The following SORL1 variants were observed in gnomAD, a reference collection of about 807,000 sequenced individuals.
SORL1 encodes sortilin-related receptor.
A neutral mutation model predicts 273.7 loss-of-function variants in SORL1; 127 were observed. The ratio of observed to expected loss-of-function variants is 0.46; its 90% CI spans 0.40 to 0.54. The LOEUF (loss-of-function observed/expected upper bound fraction) is 0.54. Among genes scored for constraint, SORL1 ranks in the 20% least tolerant of loss-of-function variants. SORL1 has a pLI of 0.00. For missense variants in SORL1, 2,494 were observed against 2,846.1 expected (o/e 0.88, Z 2.81); for synonymous variants, 1,031 against 1,067.4 (o/e 0.97, Z 0.66).
chr11:121,562,967 A>G lies in SORL1; in HGVS notation c.3049+3310A>G, dbSNP rs78142231. On this transcript the variant is annotated intron_variant, in intron 21 of 47. Transcript: ENST00000260197. ...CTATATTAACCAAGTGTTAAATAAT[A>G]ATAATTGATAGTAACTACATGTATT... Among the ~76,000 whole-genome samples the G allele has an allele frequency of 3.0e-4, 46 of 152,342 alleles. 1 individual carries two copies. The East Asian group carries it at 7.1e-3, about 24-fold the overall frequency.
At position 121,570,857 on chromosome 11, in the gene SORL1, G is replaced by A. The variant is rs1027014516; in HGVS notation, c.3337+587G>A. On this transcript the variant is annotated intron_variant, in intron 23 of 47. Coordinates refer to ENST00000260197, the MANE Select transcript of SORL1 (RefSeq NM_003105.6). ...CTGACTTCTAAAGTATAAGACTGTG[G>A]TTAGCAGAAGTTAAAACCAAACAAC... 3.3e-5 allele frequency among the ~76,000 whole-genome samples: 5 copies of A among 152,172 alleles called. No homozygotes were observed. In the East Asian group the frequency reaches 9.6e-4, roughly 29 times the overall value.
intron 24 of SORL1, among the ~76,000 whole-genome samples, chr11:121,575,045 G>A (rs1167672746): frequency 1.3e-5 from 2 of 152,154 alleles, no homozygotes; most frequent in African/African-American, 4.8e-5. Flanking sequence ...TTTCTGAATG[G>A]ACATTTTTAT....
At chr11:121,597,934 G>A (rs1189750962) in intron 32 of SORL1, among the ~76,000 whole-genome samples, 2 of 152,152 alleles carry the variant, frequency 1.3e-5, no homozygotes, top group East Asian at 1.9e-4. Context: ...CCTGGACAAC[G>A]GTGGGACAAG....
chr11:121,585,748 C>T (rs1290946169), intron 26 of SORL1, among the ~76,000 whole-genome samples: 7 of 151,966 alleles, frequency 4.6e-5, no homozygotes, highest in East Asian at 1.9e-4. Flanking sequence ...TTTAACTTTG[C>T]GTATTGTTTT....
At chr11:121,509,113 GA>G (rs1205578586) in intron 6 of SORL1, among the ~76,000 whole-genome samples, 1 of 150,322 alleles carries the variant, frequency 6.7e-6, no homozygotes, top group South Asian at 2.1e-4. Context: ...TTTCATTTAT[GA>G]TTTTTTTTTT....
At position 121,605,128 on chromosome 11, in the gene SORL1, A is replaced by G. The variant is rs1565351908; in HGVS notation, c.4667A>G (p.Tyr1556Cys). 6.8e-6 allele frequency: 11 copies of G among 1,612,234 alleles called. No homozygotes were observed. Among genetic ancestry groups the G allele is most frequent in the Middle Eastern group, 1.7e-4 (1 of 6,052 alleles). Residue 1556 changes from tyrosine (Y) to cysteine (C), a missense_variant, in exon 34 of 48, where the codon TAC (tyrosine) becomes TGC (cysteine). Tyr to Cys is a radical substitution (Grantham distance 194, BLOSUM62 -2). Transcript: ENST00000260197. Reference sequence around the variant, plus strand: ...ATCTCTCTAGATGAGTTGACTGTGTACAAAGTACAGAATCTTCAGTGGACA... The same window carrying G: ...ATCTCTCTAGATGAGTTGACTGTGTGCAAAGTACAGAATCTTCAGTGGACA... ...EKACSDELTV[Y>C]KVQNLQWTAD...
At chr11:121,599,869 C>T (rs2134914687) in intron 32 of SORL1, among the ~76,000 whole-genome samples, 1 of 152,168 alleles carries the variant, frequency 6.6e-6, no homozygotes, top group South Asian at 2.1e-4. Flanking sequence ...TGCCTGTTTG[C>T]TTTCCTGCAT....
intron 27 of SORL1, among the ~76,000 whole-genome samples, chr11:121,587,739 G>A (rs987721541): frequency 6.6e-6 from 1 of 152,154 alleles, no homozygotes; most frequent in Non-Finnish European, 1.5e-5. Flanking sequence ...ATCTTCATCA[G>A]CTGTGTACTC....
In SORL1 at chr11:121,577,364, G is replaced by A. The variant is rs1862948442; in HGVS notation, c.3544G>A (p.Asp1182Asn). 2 of 1,612,824 alleles carry A rather than the reference G, an allele frequency of 1.2e-6. No homozygotes were observed. The highest frequency in any genetic ancestry group is 1.7e-5 in the Admixed American group (1 of 59,762). The change falls in exon 25 of 48, where the codon GAC becomes AAC. Residue 1182 changes from aspartate to asparagine, a missense_variant. Asp to Asn is a conservative substitution (Grantham distance 23). Transcript: ENST00000260197. ...RSSWVCDGDN[D>N]CRDWSDEANC... is the part of the protein sequence containing the mutation. Reference sequence around the variant, plus strand: ...CTCCTGGGTATGTGACGGGGACAACGACTGCAGGGACTGGTCTGATGAAGC... The same window carrying A: ...CTCCTGGGTATGTGACGGGGACAACAACTGCAGGGACTGGTCTGATGAAGC...
chr11:121,567,322 T>C (rs1565338985), intron 22 of SORL1, among the ~76,000 whole-genome samples: 2 of 152,246 alleles, frequency 1.3e-5, no homozygotes, highest in Admixed American at 6.5e-5. Context: ...CAGTCCTCAC[T>C]CAGAACAGGC....
In SORL1 at chr11:121,588,050, T is replaced by C; in HGVS notation, c.3845T>C (p.Val1282Ala). Residue 1282 changes from valine to alanine, a missense_variant, in exon 28 of 48, where the codon GTG becomes GCG. Around this residue, in one of 3 missense-constraint regions of SORL1, gnomAD observed 1,609 missense variants for 1,816.4 expected, o/e 0.89. Coordinates refer to ENST00000260197, the MANE Select transcript of SORL1 (RefSeq NM_003105.6). ...CTCTGTACGCACTTCATGGACTTTG[T>C]GTGTAAGAACCGCCAGCAGTGCCTG... ...EPLCTHFMDF[V>A]CKNRQQCLFH... 6.2e-7 allele frequency: 1 copy of C among 1,613,604 alleles called. No individual in the cohort carries two copies. The highest frequency in any genetic ancestry group is 1.1e-5 in the South Asian group (1 of 91,072).
rs1010295420 is a variant in SORL1, at chr11:121,571,732, C to T, written c.3337+1462C>T. On this transcript the variant is annotated intron_variant, in intron 23 of 47. Transcript: ENST00000260197. ...TCTGGGCCCTGCAATCCTATAGACT[C>T]CCCCTTTTGGCTGATAGAGGGTTAT... Among the ~76,000 whole-genome samples the T allele has an allele frequency of 1.9e-4, 29 of 152,338 alleles. No homozygotes were observed. The East Asian group carries it at 5.4e-3, about 28-fold the overall frequency.
chr11:121,467,084 C>T (rs1244209145), intron 1 of SORL1, among the ~76,000 whole-genome samples: 2 of 138,582 alleles, frequency 1.4e-5, no homozygotes, highest in Non-Finnish European at 3.0e-5. Flanking sequence ...GGCTGGACTG[C>T]AGTGGTACAA....
chr11:121,464,208 T>C (rs111591989), intron 1 of SORL1, among the ~76,000 whole-genome samples: 90 of 152,296 alleles, frequency 5.9e-4, no homozygotes, highest in African/African-American at 2.0e-3. Flanking sequence ...GACATCCTGA[T>C]TTTTGGGTTT....
chr11:121,541,247 GTGGGACTGCAGTGGTGCAGTCA>G (rs1862344608), intron 12 of SORL1, among the ~76,000 whole-genome samples: 1 of 151,162 alleles, frequency 6.6e-6, no homozygotes, highest in East Asian at 2.0e-4. Context: ...TGTCATCCAG[GTGGGACTGCAGTGGTGCAGTCA>G]TGGCACACTG....
chr11:121,616,466 G>A (rs1454168512), intron 41 of SORL1, among the ~76,000 whole-genome samples: 1 of 152,148 alleles, frequency 6.6e-6, no homozygotes, highest in Non-Finnish European at 1.5e-5. Flanking sequence ...GGCTCCCGTG[G>A]CTCTGTGGAC....
In SORL1 at chr11:121,627,388, G is replaced by T; in HGVS notation, c.6365-167G>T. ...CTATCAGCTCATGGCAAGTAGTGGG[G>T]AAGCAATCAGGCATCACGCACATGC... On this transcript the variant is annotated intron_variant, in intron 46 of 47. Transcript: ENST00000260197. The surrounding 1 kb of genome is among the most constrained non-coding windows in gnomAD (Gnocchi z 4.9). 1 of 626,422 alleles carries T rather than the reference G, an allele frequency of 1.6e-6. No individual in the cohort carries two copies. Among genetic ancestry groups the T allele is most frequent in the Non-Finnish European group, 2.8e-6 (1 of 351,588 alleles). 38.8% of individuals were successfully genotyped at this position (626,422 alleles called of 1,614,324 possible).
In SORL1 at chr11:121,456,720, A is replaced by G. The variant is rs576175582; in HGVS notation, c.285+4104A>G. Among the ~76,000 whole-genome samples the G allele has an allele frequency of 4.6e-5, 7 of 152,288 alleles. No homozygotes were observed. In the South Asian group the frequency reaches 1.5e-3, roughly 32 times the overall value. On this transcript the variant is annotated intron_variant, in intron 1 of 47. Transcript: ENST00000260197. ...GGAATAAAGCACAAAGCCTAACAGGATTTACAGGTTTATTTTCCTTCCAAC... is the reference window on the plus strand; with the variant it reads ...GGAATAAAGCACAAAGCCTAACAGGGTTTACAGGTTTATTTTCCTTCCAAC...
At chr11:121,557,612 AG>A (rs1455092138) in intron 19 of SORL1, among the ~76,000 whole-genome samples, 5 of 152,204 alleles carry the variant, frequency 3.3e-5, no homozygotes, top group African/African-American at 1.2e-4. Flanking sequence ...GAGTCTCTTT[AG>A]GCATCCAGAT....
Sources: allele counts gnomAD v4.1 joint callset (sites outside exome capture counted in the v4.1 genomes callset), GRCh38; gene constraint gnomAD v4.1.1; regional missense constraint gnomAD v4.1.1; non-coding constraint Gnocchi (gnomAD v3.1); transcripts MANE v1.5; gene names NCBI Gene and HGNC (gene_info 2026-07-23, HGNC 2026-07-21).